TRHDE: variants seen among roughly 807,000 people sequenced by gnomAD.
TRHDE encodes thyrotropin releasing hormone degrading enzyme, also known as thyrotropin-releasing hormone-degrading ectoenzyme.
Under a neutral mutation model 125.7 loss-of-function variants are expected in TRHDE, and 72 were observed. The ratio of observed to expected loss-of-function variants is 0.57; its 90% CI spans 0.47 to 0.70. The LOEUF (loss-of-function observed/expected upper bound fraction) is 0.70, where lower values mean the gene tolerates loss of function less well. Among genes scored for constraint, TRHDE ranks in the 30% least tolerant of loss-of-function variants. The probability of loss-of-function intolerance (pLI) is 0.00; values close to 1 mark genes in which losing one functional copy is unlikely to be tolerated. For synonymous variants in TRHDE, 509 were observed against 509.1 expected (o/e 1.00, Z 0.00); for missense variants, 1,110 against 1,327.1 (o/e 0.84, Z 2.54).
chr12:72,514,741 A>C (rs964358053), intron 6 of TRHDE, among the ~76,000 whole-genome samples: 7 of 148,612 alleles, frequency 4.7e-5, no homozygotes, highest in African/African-American at 1.7e-4. Flanking sequence ...CACCCACTAA[A>C]TCGTCATCTA....
chr12:72,660,174 G>A (rs1419899294), intron 18 of TRHDE, among the ~76,000 whole-genome samples: 2 of 152,230 alleles, frequency 1.3e-5, no homozygotes, highest in Middle Eastern at 3.4e-3. Context: ...TTTCTTCTAC[G>A]CACTTATAAG....
intron 2 of TRHDE, among the ~76,000 whole-genome samples, chr12:72,297,209 A>G (rs1259877798): frequency 6.6e-6 from 1 of 152,168 alleles, no homozygotes; most frequent in Non-Finnish European, 1.5e-5. Flanking sequence ...ATCATTGGCC[A>G]TGGTACCCGG....
chr12:72,437,592 A>G (rs947584027), intron 3 of TRHDE, among the ~76,000 whole-genome samples: 4 of 151,828 alleles, frequency 2.6e-5, no homozygotes, highest in Admixed American at 1.3e-4. Context: ...TATGGTAGAA[A>G]TCTTCAAAGT....
At chr12:72,121,577 C>A (rs1875583242) in intron 2 of TRHDE, among the ~76,000 whole-genome samples, 1 of 152,190 alleles carries the variant, frequency 6.6e-6, no homozygotes, top group African/African-American at 2.4e-5. Flanking sequence ...CCATGCCATG[C>A]AGCCACTGCC....
At chr12:72,496,687 C>G (rs1329275972) in intron 5 of TRHDE, among the ~76,000 whole-genome samples, 4 of 152,150 alleles carry the variant, frequency 2.6e-5, no homozygotes, top group Non-Finnish European at 5.9e-5. Flanking sequence ...ACTATTATTT[C>G]ATTCACTATG....
chr12:72,555,548 A>G (rs183892734), intron 7 of TRHDE, among the ~76,000 whole-genome samples: 3 of 152,290 alleles, frequency 2.0e-5, no homozygotes, highest in South Asian at 2.1e-4. Context: ...TAATCTTTGC[A>G]TAAAGCTTTC....
At chr12:72,524,690 C>G (rs117972067) in intron 6 of TRHDE, among the ~76,000 whole-genome samples, 1 of 152,064 alleles carries the variant, frequency 6.6e-6, no homozygotes, top group Non-Finnish European at 1.5e-5. Flanking sequence ...GCCTCTTATG[C>G]GAGCCCATCC....
chr12:72,308,478 C>A (rs1868392763), intron 2 of TRHDE, among the ~76,000 whole-genome samples: 2 of 152,032 alleles, frequency 1.3e-5, no homozygotes, highest in Non-Finnish European at 2.9e-5. Context: ...GTAATCTAAT[C>A]TAACAAGCAT....
At position 72,662,981 on chromosome 12, in the gene TRHDE, T is replaced by C. The variant is rs79442333; in HGVS notation, c.3067-71T>C. ...TTTTTTAATGTTTCAAATAGATTCT[T>C]GTTCATGTTTGTTGGACATGAGTTC... On this transcript the variant is annotated intron_variant, in intron 18 of 18. Coordinates refer to ENST00000261180, the MANE Select transcript of TRHDE (RefSeq NM_013381.3). 6.0e-4 allele frequency: 864 copies of C among 1,445,126 alleles called. 8 individuals carry two copies. The African/African-American group carries it at 0.01, about 17-fold the overall frequency. 89.5% of individuals were successfully genotyped at this position (1,445,126 alleles called of 1,614,324 possible).
At chr12:72,604,659 A>G (rs1872356848) in intron 12 of TRHDE, among the ~76,000 whole-genome samples, 1 of 151,940 alleles carries the variant, frequency 6.6e-6, no homozygotes, top group Non-Finnish European at 1.5e-5. Flanking sequence ...TTGTCACTTT[A>G]TTTTGCACTC....
At chr12:72,518,703 T>G (rs1219930499) in intron 6 of TRHDE, among the ~76,000 whole-genome samples, 9 of 152,100 alleles carry the variant, frequency 5.9e-5, no homozygotes, top group South Asian at 2.1e-4. Context: ...GTTAGCTGGT[T>G]ATTTTGCTCG....
intron 2 of TRHDE, among the ~76,000 whole-genome samples, chr12:72,155,319 C>A (rs1304573310): frequency 6.6e-6 from 1 of 152,104 alleles, no homozygotes. Context: ...AGGTTTTTAA[C>A]TTCTTTGCCA....
intron 1 of TRHDE, among the ~76,000 whole-genome samples, chr12:72,090,260 C>T (rs1410439552): frequency 7.9e-5 from 12 of 152,020 alleles, no homozygotes; most frequent in Non-Finnish European, 2.9e-5. Context: ...CTTTTCCCAC[C>T]GTGACTCACT....
intron 5 of TRHDE, among the ~76,000 whole-genome samples, chr12:72,495,576 C>T (rs545882159): frequency 7.2e-5 from 11 of 152,182 alleles, no homozygotes; most frequent in South Asian, 6.2e-4. Context: ...TAGCATCCAT[C>T]ATATTATATT....
chr12:72,575,396 C>T lies in TRHDE; in HGVS notation c.2265+8C>T, dbSNP rs1870943676. The T allele has an allele frequency of 6.2e-7, 1 of 1,613,416 alleles. No individual in the cohort carries two copies. Among genetic ancestry groups the T allele is most frequent in the Non-Finnish European group, 8.5e-7 (1 of 1,179,704 alleles). ...TTAATCCGGAATCATGAGGTACACTCCAGATTTGCTTATCAAAGATAATTT... is the reference window on the plus strand; with the variant it reads ...TTAATCCGGAATCATGAGGTACACTTCAGATTTGCTTATCAAAGATAATTT... On this transcript the variant is annotated splice_region_variant and intron_variant, in intron 11 of 18. Transcript: ENST00000261180.
chr12:72,288,408 C>G (rs1452175784), intron 2 of TRHDE, among the ~76,000 whole-genome samples: 1 of 152,074 alleles, frequency 6.6e-6, no homozygotes, highest in Non-Finnish European at 1.5e-5. Context: ...ATGAATTCAT[C>G]TATCTAATCA....
At chr12:72,609,490 T>C (rs1211857142) in intron 12 of TRHDE, among the ~76,000 whole-genome samples, 2 of 152,186 alleles carry the variant, frequency 1.3e-5, no homozygotes, top group African/African-American at 2.4e-5. Context: ...CGGGGGAACA[T>C]GTGCAAGTTT....
rs1346858612 is a variant in TRHDE at position 72,377,990 on chromosome 12, A to G, written c.1189-5A>G. The G allele has an allele frequency of 6.4e-7, 1 of 1,563,530 alleles. No homozygotes were observed. Among genetic ancestry groups the G allele is most frequent in the Non-Finnish European group, 8.6e-7 (1 of 1,160,938 alleles). On this transcript the variant is annotated splice_polypyrimidine_tract_variant and splice_region_variant and intron_variant, in intron 2 of 18. Transcript: ENST00000261180. ...AAAGTAACTTTTATATATATTTTTA[A>G]TTAGGTACGATTATATGCAAGACCT...
chr12:72,374,030 A>G (rs950577297), intron 2 of TRHDE, among the ~76,000 whole-genome samples: 2 of 152,150 alleles, frequency 1.3e-5, no homozygotes, highest in African/African-American at 4.8e-5. Context: ...GGGACGAGGC[A>G]TCAGTAGGAA....
Sources: gnomAD v4.1 joint callset for allele counts (sites outside exome capture counted in the v4.1 genomes callset) on GRCh38, gnomAD v4.1.1 for gene constraint, MANE v1.5 for transcripts, NCBI Gene and HGNC (gene_info 2026-07-23, HGNC 2026-07-21) for gene names.